NEBL: variants seen among roughly 807,000 people sequenced by gnomAD.
NEBL encodes nebulette.
Under a neutral mutation model 140.2 loss-of-function variants are expected in NEBL, and 122 were observed. That is an observed-to-expected ratio of 0.87 (90% CI 0.75 to 1.01). The LOEUF (loss-of-function observed/expected upper bound fraction) is 1.01, where lower values mean the gene tolerates loss of function less well. Ranked by LOEUF, NEBL falls within the 50% of genes least tolerant of loss-of-function variation. The pLI, the probability that NEBL is intolerant of heterozygous loss-of-function variation, is 0.00. For missense variants in NEBL, 1,365 were observed against 1,231.3 expected (o/e 1.11, Z -1.62); for synonymous variants, 436 against 398.9 (o/e 1.09, Z -1.11).
chr10:21,103,580 T>C (rs191456800), intron 2 of NEBL, among the ~76,000 whole-genome samples: 2 of 152,328 alleles, frequency 1.3e-5, no homozygotes, highest in East Asian at 3.9e-4. Flanking sequence ...TTTTACTTTG[T>C]ATCTACTTAA....
At chr10:21,090,482 G>A (rs73607588) in intron 2 of NEBL, among the ~76,000 whole-genome samples, 12,764 of 152,192 alleles carry the variant, frequency 0.084, 966 homozygotes, top group East Asian at 0.28. Context: ...TAGGTTATAT[G>A]AAAACACTTT....
At chr10:20,816,778 T>G (rs1838756415) in intron 21 of NEBL, among the ~76,000 whole-genome samples, 1 of 152,152 alleles carries the variant, frequency 6.6e-6, no homozygotes. Context: ...GGCCACAAGT[T>G]GGTGTCTAGG....
intron 2 of NEBL, among the ~76,000 whole-genome samples, chr10:21,054,691 A>G (rs1009850449): frequency 6.6e-6 from 1 of 152,248 alleles, no homozygotes; most frequent in Non-Finnish European, 1.5e-5. Flanking sequence ...AGAATTTTGA[A>G]AAACTTATGA....
intron 2 of NEBL, among the ~76,000 whole-genome samples, chr10:21,039,553 A>G (rs1006793638): frequency 1.3e-5 from 2 of 152,092 alleles, no homozygotes; most frequent in Non-Finnish European, 2.9e-5. Context: ...GATATAGGAC[A>G]TTTTCTATGA....
intron 3 of NEBL, among the ~76,000 whole-genome samples, chr10:21,225,492 C>A (rs918834167): frequency 1.3e-5 from 2 of 152,166 alleles, no homozygotes; most frequent in African/African-American, 4.8e-5. Context: ...CCCCCAACCC[C>A]AGGCAGGTCC....
At chr10:21,176,715 T>C (rs1299462953), upstream of NEBL, among the ~76,000 whole-genome samples, 1 of 152,212 alleles carries the variant, frequency 6.6e-6, no homozygotes, top group South Asian at 2.1e-4. Context: ...GTGTTAACTC[T>C]ACCCCAATAT....
intron 4 of NEBL, among the ~76,000 whole-genome samples, chr10:20,923,137 C>T (rs1009665403): frequency 3.3e-5 from 5 of 152,070 alleles, no homozygotes; most frequent in African/African-American, 1.2e-4. Flanking sequence ...GGTGCCATCA[C>T]GGCTCACTGC....
chr10:21,224,401 G>C (rs955977330), intron 3 of NEBL, among the ~76,000 whole-genome samples: 67 of 152,148 alleles, frequency 4.4e-4, no homozygotes, highest in Non-Finnish European at 2.1e-4. Context: ...GTGCCATGCT[G>C]TTTTGATTAC....
chr10:21,132,748 T>A (rs1242314450), intron 2 of NEBL, among the ~76,000 whole-genome samples: 1 of 152,230 alleles, frequency 6.6e-6, no homozygotes, highest in African/African-American at 2.4e-5. Context: ...TACCAGGCCT[T>A]CTTTCATGTG....
chr10:20,835,587 C>T lies in NEBL; in HGVS notation c.1375G>A (p.Gly459Arg). The change falls in exon 14 of 28, where the codon GGG becomes AGG. Residue 459 changes from glycine (G) to arginine (R), a missense_variant. Physicochemically the swap from Gly to Arg is moderately radical, Grantham distance 125. Transcript: ENST00000377122. ...TCAGTGCCAGCTTGCATTCCTTTCC[C>T]TTTAATTATTGACTCCAGGTCTTTC... ...YKKDLESIIK[G>R]KGMQAGTDTL... 1 of 1,612,276 alleles carries T rather than the reference C, an allele frequency of 6.2e-7. No individual in the cohort carries two copies. The highest frequency in any genetic ancestry group is 8.5e-7 in the Non-Finnish European group (1 of 1,179,642).
intron 2 of NEBL, among the ~76,000 whole-genome samples, chr10:21,102,919 A>G (rs1837539932): frequency 6.6e-6 from 1 of 151,882 alleles, no homozygotes. Context: ...TGCTGTACCT[A>G]TCAACCCATC....
intron 21 of NEBL, among the ~76,000 whole-genome samples, 192 bp downstream of exon 21, chr10:20,817,408 G>A (rs1310785828): frequency 1.3e-5 from 2 of 152,062 alleles, no homozygotes; most frequent in South Asian, 2.1e-4. Flanking sequence ...GAGTCACTGG[G>A]AACCCTGAGG....
At chr10:21,194,669 A>C (rs1841621800) in intron 3 of NEBL, among the ~76,000 whole-genome samples, 1 of 152,136 alleles carries the variant, frequency 6.6e-6, no homozygotes, top group Non-Finnish European at 1.5e-5. Flanking sequence ...GAAGTCCTAT[A>C]CCCGTACTTT....
intron 4 of NEBL, among the ~76,000 whole-genome samples, chr10:20,948,607 T>C (rs989028720): frequency 1.3e-5 from 2 of 152,170 alleles, no homozygotes; most frequent in African/African-American, 4.8e-5. Context: ...AATGGTTAAC[T>C]GCCAACAGAC....
At chr10:21,093,016 A>C (rs2131968997) in intron 2 of NEBL, among the ~76,000 whole-genome samples, 1 of 152,344 alleles carries the variant, frequency 6.6e-6, no homozygotes, top group South Asian at 2.1e-4. Flanking sequence ...GTTTATGACA[A>C]GAGAATAATG....
At chr10:20,933,374 C>T (rs1034253170) in intron 4 of NEBL, among the ~76,000 whole-genome samples, 10 of 152,124 alleles carry the variant, frequency 6.6e-5, no homozygotes, top group Non-Finnish European at 1.2e-4. Context: ...AAAACTTACC[C>T]GTACACTACT....
At chr10:21,063,006 T>C (rs556000240) in intron 2 of NEBL, among the ~76,000 whole-genome samples, 1 of 152,072 alleles carries the variant, frequency 6.6e-6, no homozygotes, top group South Asian at 2.1e-4. Flanking sequence ...GGAAGTTGAG[T>C]ATGCAAAAGA....
At chr10:20,971,181 A>G (rs1688360608) in intron 3 of NEBL, among the ~76,000 whole-genome samples, 2 of 152,242 alleles carry the variant, frequency 1.3e-5, no homozygotes, top group South Asian at 4.1e-4. Context: ...GCAGGGAAAT[A>G]CCATTGCCAA....
At chr10:21,038,085 G>A (rs915645984) in intron 2 of NEBL, among the ~76,000 whole-genome samples, 14 of 152,120 alleles carry the variant, frequency 9.2e-5, no homozygotes, top group Non-Finnish European at 1.5e-4. Context: ...CTTCTTATCA[G>A]CAAAACTATG....
Sources: gnomAD v4.1 joint callset for allele counts (sites outside exome capture counted in the v4.1 genomes callset) on GRCh38, gnomAD v4.1.1 for gene constraint, MANE v1.5 for transcripts, NCBI Gene and HGNC (gene_info 2026-07-23, HGNC 2026-07-21) for gene names.